Variants in THOC5 observed in about 807,000 individuals in gnomAD.
THOC5 encodes the protein THO complex subunit 5.
Under a neutral mutation model 92.9 loss-of-function variants are expected in THOC5, and 43 were observed. The ratio of observed to expected loss-of-function variants is 0.46; its 90% CI spans 0.36 to 0.60. The LOEUF is 0.60. Ranked by LOEUF, THOC5 falls within the 20% of genes least tolerant of loss-of-function variation. The pLI is 0.00. For synonymous variants in THOC5, 296 were observed against 320.1 expected (o/e 0.92, Z 0.80); for missense variants, 659 against 849.4 (o/e 0.78, Z 2.79).
intron 15 of THOC5, among the ~76,000 whole-genome samples, chr22:29,518,733 C>T (rs1404227113): frequency 6.6e-6 from 1 of 152,192 alleles, no homozygotes; most frequent in Non-Finnish European, 1.5e-5. Flanking sequence ...GGATGAACTG[C>T]CCCGACCAGT....
intron 1 of THOC5, among the ~76,000 whole-genome samples, chr22:29,550,421 C>T (rs1283773254): frequency 6.6e-6 from 1 of 151,906 alleles, no homozygotes; most frequent in Non-Finnish European, 1.5e-5. Context: ...TTTCATGGGG[C>T]TCTACAGTCA....
chr22:29,511,822 AC>A (rs2063229430), intron 18 of THOC5, among the ~76,000 whole-genome samples, 198 bp downstream of exon 18: 2 of 152,294 alleles, frequency 1.3e-5, no homozygotes, highest in Non-Finnish European at 2.9e-5. Context: ...AAACCTGTGG[AC>A]CCCAAGGTAG....
intron 18 of THOC5, 53 bp downstream of exon 18, chr22:29,511,968 A>G (rs1375318542): frequency 6.6e-7 from 1 of 1,511,964 alleles, no homozygotes; most frequent in Non-Finnish European, 9.2e-7. Flanking sequence ...TGCCACGGCC[A>G]CCTCCCCCGG....
intron 3 of THOC5, among the ~76,000 whole-genome samples, chr22:29,544,051 T>A (rs534591233): frequency 2.6e-4 from 39 of 152,336 alleles, no homozygotes; most frequent in Admixed American, 1.3e-3. Flanking sequence ...TCACATTGTT[T>A]AATTTCTCTG....
chr22:29,530,029 T>C lies in THOC5; in HGVS notation c.848-790A>G, dbSNP rs535057166. Among the ~76,000 whole-genome samples, 221 of 151,504 alleles carry C rather than the reference T, an allele frequency of 1.5e-3. 2 individuals are homozygous for C. The highest frequency in any genetic ancestry group is 1.9e-3 in the Admixed American group (29 of 15,182). Reference sequence around the variant, plus strand: ...GTGGTGGCATGTGCCTGTAACCCCATCTACTTGGGAGGCTGAGACAGGAGA... The same window carrying C: ...GTGGTGGCATGTGCCTGTAACCCCACCTACTTGGGAGGCTGAGACAGGAGA... On this transcript the variant is annotated intron_variant, in intron 8 of 19. Transcript: ENST00000490103.
At chr22:29,530,434 T>A (rs545876601) in intron 8 of THOC5, among the ~76,000 whole-genome samples, 2 of 151,698 alleles carry the variant, frequency 1.3e-5, no homozygotes, top group African/African-American at 4.8e-5. Context: ...CAGGGAGAAT[T>A]GCTTGAACCT....
intron 1 of THOC5, among the ~76,000 whole-genome samples, chr22:29,551,756 T>A (rs946545886): frequency 2.7e-5 from 4 of 150,466 alleles, no homozygotes; most frequent in Non-Finnish European, 4.4e-5. Context: ...AAAAAAAAAA[T>A]TTGGACTGGA....
At position 29,508,224 on chromosome 22, in the gene THOC5, GA is replaced by G; in HGVS notation, c.*232del. ...CCACTCTGCTTTTATTGGCTGCTGAGAAAAAGTCTCTCTACAAATGCTTTTT... is the reference window on the plus strand; with the variant it reads ...CCACTCTGCTTTTATTGGCTGCTGAGAAAAGTCTCTCTACAAATGCTTTTT... On this transcript the variant is annotated 3_prime_UTR_variant, in exon 20 of 20. Coordinates refer to ENST00000490103, the MANE Select transcript of THOC5 (RefSeq NM_003678.5). 1 of 561,086 alleles carries G rather than the reference GA, an allele frequency of 1.8e-6. No homozygotes were observed. The highest frequency in any genetic ancestry group is 3.2e-6 in the Non-Finnish European group (1 of 316,004). The allele number at this position is 561,086 out of a possible 1,614,324, so 34.8% of individuals were successfully genotyped here. A position where few individuals can be genotyped will look rare whatever the true frequency, so the allele number is the denominator to read the frequency against.
At chr22:29,549,187 C>A in intron 1 of THOC5, 29 bp from the exon 2 acceptor site, 1 of 1,599,260 alleles carries the variant, frequency 6.3e-7, no homozygotes. Flanking sequence ...TTTTGAGATT[C>A]TTCTGGAGTC....
At chr22:29,529,296 G>C (rs1235389325) in intron 8 of THOC5, 57 bp from the exon 9 acceptor site, 5 of 1,570,796 alleles carry the variant, frequency 3.2e-6, no homozygotes, top group Non-Finnish European at 4.4e-6. Context: ...GCTAAGCAGT[G>C]TGAGTAGGCC....
intron 5 of THOC5, among the ~76,000 whole-genome samples, chr22:29,541,691 C>A (rs1445833214): frequency 1.3e-5 from 2 of 149,268 alleles, no homozygotes; most frequent in Admixed American, 6.7e-5. Context: ...GAAACCCTGT[C>A]TCTACTAAAA....
intron 15 of THOC5, among the ~76,000 whole-genome samples, chr22:29,517,624 C>T (rs1229323979): frequency 6.6e-6 from 1 of 152,220 alleles, no homozygotes; most frequent in African/African-American, 2.4e-5. Flanking sequence ...CAAATGATAG[C>T]CTGCCAAAGA....
intron 17 of THOC5, among the ~76,000 whole-genome samples, chr22:29,515,728 G>A (rs2063321453): frequency 1.3e-5 from 2 of 151,952 alleles, no homozygotes; most frequent in African/African-American, 4.8e-5. Context: ...CTACTCAAGA[G>A]GCTGAGGTAG....
At chr22:29,531,727 G>A in intron 8 of THOC5, 104 bp downstream of exon 8, 2 of 1,515,698 alleles carry the variant, frequency 1.3e-6, no homozygotes, top group Non-Finnish European at 1.8e-6. Flanking sequence ...AGGGCTTCGG[G>A]CAGGACTGAG....
chr22:29,522,740 C>G (rs1011575267), intron 12 of THOC5, among the ~76,000 whole-genome samples: 1 of 151,456 alleles, frequency 6.6e-6, no homozygotes, highest in Non-Finnish European at 1.5e-5. Flanking sequence ...TGGTGGCTCA[C>G]GCCTGTAATC....
chr22:29,527,576 C>A (rs1164801755), intron 11 of THOC5, among the ~76,000 whole-genome samples: 1 of 152,164 alleles, frequency 6.6e-6, no homozygotes, highest in Non-Finnish European at 1.5e-5. Context: ...CATAAGAAGT[C>A]TGTAATAATG....
chr22:29,547,941 G>A (rs2064059031), intron 2 of THOC5, among the ~76,000 whole-genome samples: 1 of 152,218 alleles, frequency 6.6e-6, no homozygotes. Flanking sequence ...CCACATGGCT[G>A]GTGAGGCCTC....
At chr22:29,527,711 C>A (rs1332272387) in intron 11 of THOC5, among the ~76,000 whole-genome samples, 1 of 152,120 alleles carries the variant, frequency 6.6e-6, no homozygotes, top group Admixed American at 6.6e-5. Flanking sequence ...TTCATACAAA[C>A]CAACTTCAAA....
chr22:29,549,211 C>A, intron 1 of THOC5, 53 bp from the exon 2 acceptor site: 1 of 1,522,380 alleles, frequency 6.6e-7, no homozygotes, highest in South Asian at 1.1e-5. Context: ...ACACTGAAGT[C>A]AAACTAGCAG....
Sources: allele counts gnomAD v4.1 joint callset (sites outside exome capture counted in the v4.1 genomes callset), GRCh38; gene constraint gnomAD v4.1.1; transcripts MANE v1.5; gene names NCBI Gene and HGNC (gene_info 2026-07-23, HGNC 2026-07-21).